NPAS2: variants seen among roughly 807,000 people sequenced by gnomAD.
NPAS2 encodes the protein neuronal PAS domain-containing protein 2.
A neutral mutation model predicts 107.5 loss-of-function variants in NPAS2; 23 were observed. That is an observed-to-expected ratio of 0.21 (90% CI 0.15 to 0.30). NPAS2 has a LOEUF of 0.30. Ranked by LOEUF, NPAS2 falls within the 10% of genes least tolerant of loss-of-function variation. The pLI is 1.00. For missense variants in NPAS2, 756 were observed against 1,043.3 expected (o/e 0.72, Z 3.79); for synonymous variants, 403 against 417.5 (o/e 0.97, Z 0.42).
chr2:100,933,562 T>C (rs1684110147), intron 4 of NPAS2, among the ~76,000 whole-genome samples: 1 of 152,146 alleles, frequency 6.6e-6, no homozygotes. Context: ...CTCATGTTCC[T>C]CCCTCTGGGT....
At chr2:100,966,803 G>T (rs1318945620) in intron 10 of NPAS2, among the ~76,000 whole-genome samples, 1 of 151,960 alleles carries the variant, frequency 6.6e-6, no homozygotes, top group Non-Finnish European at 1.5e-5. Context: ...CACCATGTTG[G>T]TCAGGATGGT....
chr2:100,942,021 A>C (rs946646186), intron 5 of NPAS2, among the ~76,000 whole-genome samples: 4 of 152,144 alleles, frequency 2.6e-5, no homozygotes, highest in Non-Finnish European at 4.4e-5. Flanking sequence ...TGGGGTTATG[A>C]GCAACTGCAA....
At chr2:100,840,747 A>G (rs1573437391) in intron 1 of NPAS2, among the ~76,000 whole-genome samples, 1 of 152,166 alleles carries the variant, frequency 6.6e-6, no homozygotes, top group South Asian at 2.1e-4. Flanking sequence ...TGGGGCAGGG[A>G]ACATTGAGAA....
Position 100,968,316 on chromosome 2 carries a change from C to G in NPAS2, c.943C>G (p.Arg315Gly). Residue 315 changes from arginine to glycine, a missense_variant, in exon 11 of 21, where the codon CGG becomes GGG. Coordinates refer to ENST00000335681, the MANE Select transcript of NPAS2 (RefSeq NM_002518.4). This position sits in a 1 kb window ranked among gnomAD's most constrained non-coding sequence, Gnocchi z 5.3. ...QFGKGKSCCY[R>G]FLTKGQQWIW... The stretch of plus-strand genomic sequence containing the variant: ...TGGCAAAGGGAAGTCGTGTTGCTAC[C>G]GGTTTCTGACCAAAGGTCAGCAGTG... 1 of 1,614,078 alleles carries G rather than the reference C, an allele frequency of 6.2e-7. No homozygotes were observed. Among genetic ancestry groups the G allele is most frequent in the Non-Finnish European group, 8.5e-7 (1 of 1,180,018 alleles).
At chr2:100,922,209 G>T (rs916661843) in intron 2 of NPAS2, among the ~76,000 whole-genome samples, 1 of 152,146 alleles carries the variant, frequency 6.6e-6, no homozygotes, top group African/African-American at 2.4e-5. Flanking sequence ...CTTGATTTTG[G>T]TGGTAGTTAC....
rs1368390325 is a variant in NPAS2 at position 100,820,400 on chromosome 2, C to G, written c.-37C>G. The G allele has an allele frequency of 6.7e-6, 1 of 149,942 alleles. No individual in the cohort carries two copies. Among genetic ancestry groups the G allele is most frequent in the African/African-American group, 2.4e-5 (1 of 41,114 alleles). 9.3% of individuals were successfully genotyped at this position (149,942 alleles called of 1,614,324 possible). The stretch of plus-strand genomic sequence containing the variant: ...CCGCGCCCGGCCCCGCGGGGCCGCT[C>G]CGGCCCGCTCCGAGGTAAGGGGCCG... On this transcript the variant is annotated 5_prime_UTR_variant, in exon 1 of 21. Transcript: ENST00000335681. This position sits in a 1 kb window ranked among gnomAD's most constrained non-coding sequence, Gnocchi z 5.6.
intron 1 of NPAS2, among the ~76,000 whole-genome samples, chr2:100,883,447 G>C (rs1224502083): frequency 6.6e-6 from 1 of 152,296 alleles, no homozygotes; most frequent in East Asian, 1.9e-4. Flanking sequence ...TGGTGTGTCA[G>C]AGCCACACAC....
In NPAS2 at chr2:100,969,607, T is replaced by A. The variant is rs187570212; in HGVS notation, c.1055+1179T>A. Reference sequence around the variant, plus strand: ...CTTGAAATTTCATATGCATTTCTTATATACAGCCACTTGCTGCTTGATGAT... The same window carrying A: ...CTTGAAATTTCATATGCATTTCTTAAATACAGCCACTTGCTGCTTGATGAT... On this transcript the variant is annotated intron_variant, in intron 11 of 20. Coordinates refer to ENST00000335681, the MANE Select transcript of NPAS2 (RefSeq NM_002518.4). Among the ~76,000 whole-genome samples the A allele has an allele frequency of 6.0e-3, 919 of 152,332 alleles. 14 individuals are homozygous for A. The highest frequency in any genetic ancestry group is 0.021 in the African/African-American group (861 of 41,574).
At chr2:100,842,886 T>A (rs1241895472) in intron 1 of NPAS2, among the ~76,000 whole-genome samples, 1 of 152,154 alleles carries the variant, frequency 6.6e-6, no homozygotes, top group African/African-American at 2.4e-5. Flanking sequence ...TCTATCATAA[T>A]GAAGTGATTC....
At chr2:100,910,337 A>C (rs1019247623) in intron 2 of NPAS2, among the ~76,000 whole-genome samples, 1 of 152,020 alleles carries the variant, frequency 6.6e-6, no homozygotes, top group African/African-American at 2.4e-5. Context: ...CTTTCTGCTA[A>C]CTGTGGTTAA....
In NPAS2 at chr2:100,995,691, A is replaced by C; in HGVS notation, c.*109A>C. 2 of 1,549,842 alleles carry C rather than the reference A, an allele frequency of 1.3e-6. No individual in the cohort carries two copies. Among genetic ancestry groups the C allele is most frequent in the African/African-American group, 1.4e-5 (1 of 73,224 alleles). ...AACTAAACCCCTGGCTTTTGTGCAC[A>C]CTGCATACGTTTCAGAACTCCTGGA... On this transcript the variant is annotated 3_prime_UTR_variant, in exon 21 of 21. Transcript: ENST00000335681.
At chr2:100,878,555 C>G (rs926297065) in intron 1 of NPAS2, 3 of 985,208 alleles carry the variant, frequency 3.0e-6, no homozygotes, top group South Asian at 4.7e-5. Flanking sequence ...TGGTTTTAAC[C>G]GTCAACTGAA....
chr2:100,895,584 G>T (rs1379708026), intron 1 of NPAS2, among the ~76,000 whole-genome samples: 2 of 152,180 alleles, frequency 1.3e-5, no homozygotes, highest in African/African-American at 4.8e-5. Context: ...GTGGCTGTCT[G>T]CCAATTCCCT....
intron 4 of NPAS2, 130 bp downstream of exon 4, chr2:100,933,131 C>T (rs1400400756): frequency 6.0e-6 from 4 of 663,796 alleles, no homozygotes; most frequent in Non-Finnish European, 1.1e-5. Context: ...GAAACAGATA[C>T]CTCCCTGAGG....
chr2:100,986,273 T>A (rs1677771785), intron 16 of NPAS2: 1 of 152,176 alleles, frequency 6.6e-6, no homozygotes, highest in Non-Finnish European at 1.5e-5. Context: ...CACCTGCCCA[T>A]CTCGGGCCTC....
chr2:100,879,288 G>A (rs563546886), intron 1 of NPAS2, among the ~76,000 whole-genome samples: 51 of 152,202 alleles, frequency 3.4e-4, no homozygotes, highest in African/African-American at 1.1e-3. Flanking sequence ...GACAGGAAAC[G>A]GGTTACTATA....
chr2:100,820,108 A>AGAGGCG (rs1203202927), upstream of NPAS2: 1 of 150,974 alleles, frequency 6.6e-6, no homozygotes, highest in East Asian at 2.0e-4. The surrounding 1 kb of genome is among the most constrained non-coding windows in gnomAD (Gnocchi z 5.6). Context: ...GGGAGGAGGC[A>AGAGGCG]GAGGCGGAGG....
upstream of NPAS2, among the ~76,000 whole-genome samples, chr2:100,818,746 G>T (rs1048963853): frequency 4.6e-5 from 7 of 152,366 alleles, no homozygotes; most frequent in South Asian, 1.2e-3. Flanking sequence ...TAAGAGGGAC[G>T]GAGAGACGTC....
intron 17 of NPAS2, 69 bp from the exon 18 acceptor site, chr2:100,990,187 G>A (rs1028900052): frequency 7.1e-7 from 1 of 1,417,970 alleles, no homozygotes. Context: ...GAGACACTGG[G>A]AGGTTTCCTG....
Sources: allele counts gnomAD v4.1 joint callset (sites outside exome capture counted in the v4.1 genomes callset), GRCh38; gene constraint gnomAD v4.1.1; non-coding constraint Gnocchi (gnomAD v3.1); transcripts MANE v1.5; gene names NCBI Gene and HGNC (gene_info 2026-07-23, HGNC 2026-07-21).